The following LTO1 variants were observed in gnomAD, a reference collection of about 807,000 sequenced individuals.
LTO1 encodes the protein protein LTO1 homolog.
In LTO1, 18 loss-of-function variants were observed where a neutral mutation model predicts 19.8. The ratio of observed to expected loss-of-function variants is 0.91; its 90% CI spans 0.63 to 1.35. The LOEUF is 1.35. LTO1 is among the 40% of genes most tolerant of loss of function. The pLI is 0.00. For synonymous variants in LTO1, 59 were observed against 59.6 expected (o/e 0.99, Z 0.05); for missense variants, 175 against 167.9 (o/e 1.04, Z -0.23).
chr11:69,674,502 A>G (rs1321219488), intron 1 of LTO1: 1 of 334,428 alleles, frequency 3.0e-6, no homozygotes, highest in African/African-American at 2.2e-5. Context: ...CTGGAAAGTG[A>G]CTGTGCCTCC....
In LTO1 at chr11:69,665,846, A is replaced by T. The variant is rs1346120650; in HGVS notation, c.*1673T>A. The stretch of plus-strand genomic sequence containing the variant: ...TTTAGAGTTCGGGAGGAGGAGACCT[A>T]AGTCCTGTCTTCAAAAACAAAAAGC... On this transcript the variant is annotated 3_prime_UTR_variant, in exon 5 of 5. Transcript: ENST00000279147. 1 of 152,220 alleles carries T rather than the reference A, an allele frequency of 6.6e-6. No individual in the cohort carries two copies. Among genetic ancestry groups the T allele is most frequent in the Admixed American group, 6.5e-5 (1 of 15,286 alleles). 9.4% of individuals were successfully genotyped at this position (152,220 alleles called of 1,614,324 possible).
In LTO1 at chr11:69,668,954, G is replaced by A. The variant is rs373522729; in HGVS notation, c.228-942C>T. On this transcript the variant is annotated intron_variant, in intron 3 of 4. Transcript: ENST00000279147. Reference sequence around the variant, plus strand: ...GAGACAGGAGAATTGCTGGAACCTGGGAGGTGGAGGTTGCAGTGAGCTAAG... The same window carrying A: ...GAGACAGGAGAATTGCTGGAACCTGAGAGGTGGAGGTTGCAGTGAGCTAAG... 3.3e-5 allele frequency among the ~76,000 whole-genome samples: 5 copies of A among 151,778 alleles called. No homozygotes were observed. In the South Asian group the frequency reaches 1.0e-3, roughly 32 times the overall value.
At chr11:69,673,422 C>A in intron 1 of LTO1, 101 bp from the exon 2 acceptor site, 1 of 769,960 alleles carries the variant, frequency 1.3e-6, no homozygotes, top group Non-Finnish European at 2.2e-6. Context: ...TAAGACAAAC[C>A]AGAGTAAAGG....
chr11:69,668,186 G>A (rs962093079), intron 3 of LTO1, 174 bp from the exon 4 acceptor site: 6 of 593,018 alleles, frequency 1.0e-5, no homozygotes, highest in Non-Finnish European at 1.5e-5. Context: ...ACCTAGCAAC[G>A]AGCTTAGGCC....
intron 1 of LTO1, 136 bp from the exon 2 acceptor site, chr11:69,673,457 GAA>G: frequency 1.6e-6 from 1 of 619,646 alleles, no homozygotes; most frequent in Non-Finnish European, 2.9e-6. Context: ...ATTCAAGTCA[GAA>G]GACACAGATT....
At chr11:69,670,746 C>T (rs900268278) in intron 3 of LTO1, among the ~76,000 whole-genome samples, 4 of 152,308 alleles carry the variant, frequency 2.6e-5, no homozygotes, top group Middle Eastern at 6.8e-3. Context: ...GTCAGAATGA[C>T]GCAGAGCACC....
At chr11:69,673,935 C>A (rs1006493828) in intron 1 of LTO1, among the ~76,000 whole-genome samples, 2 of 152,096 alleles carry the variant, frequency 1.3e-5, no homozygotes, top group African/African-American at 2.4e-5. Flanking sequence ...CGGCTCACTG[C>A]AAGCTCTGCT....
Position 69,668,243 on chromosome 11 carries a change from G to C in LTO1, c.228-231C>G, listed in dbSNP as rs1044561119. 6.5e-6 allele frequency: 3 copies of C among 458,568 alleles called. No individual in the cohort carries two copies. The East Asian group carries it at 1.1e-4, about 17-fold the overall frequency. 28.4% of individuals were successfully genotyped at this position (458,568 alleles called of 1,614,324 possible). Reference sequence around the variant, plus strand: ...AAGTGTGTGCCTAGCTTACAGACACGCCTCCATTCCGACCACGGGGCCAAG... The same window carrying C: ...AAGTGTGTGCCTAGCTTACAGACACCCCTCCATTCCGACCACGGGGCCAAG... On this transcript the variant is annotated intron_variant, in intron 3 of 4. Coordinates refer to ENST00000279147, the MANE Select transcript of LTO1 (RefSeq NM_153451.3).
At chr11:69,670,054 C>T (rs749786873) in intron 3 of LTO1, among the ~76,000 whole-genome samples, 56 of 152,004 alleles carry the variant, frequency 3.7e-4, no homozygotes, top group Non-Finnish European at 7.1e-4. Flanking sequence ...TCTAAACATC[C>T]ATGAACCACT....
Position 69,671,738 on chromosome 11 carries a change from TC to T in LTO1, c.227+10del. On this transcript the variant is annotated intron_variant, in intron 3 of 4. Coordinates refer to ENST00000279147, the MANE Select transcript of LTO1 (RefSeq NM_153451.3). ...TCCTACGCTGAGAAAGAAAGACATC[TC>T]CACCTTTACCTGTCCTTCTCAGTGG... 6.5e-7 allele frequency: 1 copy of T among 1,528,592 alleles called. No individual in the cohort carries two copies. The highest frequency in any genetic ancestry group is 1.1e-5 in the South Asian group (1 of 89,296). 94.7% of individuals were successfully genotyped at this position (1,528,592 alleles called of 1,614,324 possible).
Position 69,667,783 on chromosome 11 carries a change from G to T in LTO1, c.345+112C>A, listed in dbSNP as rs1057157264. 1.2e-5 allele frequency: 9 copies of T among 745,976 alleles called. No homozygotes were observed. In the East Asian group the frequency reaches 2.1e-4, roughly 17 times the overall value. 46.2% of individuals were successfully genotyped at this position (745,976 alleles called of 1,614,324 possible). A position where few individuals can be genotyped will look rare whatever the true frequency, so the allele number is the denominator to read the frequency against. On this transcript the variant is annotated intron_variant, in intron 4 of 4. Coordinates refer to ENST00000279147, the MANE Select transcript of LTO1 (RefSeq NM_153451.3). ...ATGAGGCGCCTCTACGGACAGTTCC[G>T]CGGCGCACGCAGCCCCAGGCCATTG...
At chr11:69,675,142 G>C in intron 1 of LTO1, 48 bp downstream of exon 1, 1 of 1,562,904 alleles carries the variant, frequency 6.4e-7, no homozygotes. Context: ...CGAAGCCGCT[G>C]GGAGACGACC....
rs1856049389 is a variant in LTO1, at chr11:69,667,477, A to G, written c.*42T>C. On this transcript the variant is annotated 3_prime_UTR_variant, in exon 5 of 5. Transcript: ENST00000279147. ...CCGCATTTCTAAACACGTCACACAC[A>G]CATCTGTTCCTCGACGTTCGGTCTC... 1.6e-6 allele frequency: 2 copies of G among 1,280,652 alleles called. No homozygotes were observed. The highest frequency in any genetic ancestry group is 2.3e-5 in the East Asian group (1 of 43,306). 79.3% of individuals were successfully genotyped at this position (1,280,652 alleles called of 1,614,324 possible).
rs371063370 is a variant in LTO1 at position 69,671,446 on chromosome 11, TA to T, written c.227+302del. The T allele has an allele frequency of 9.1e-4, 252 of 275,526 alleles. 3 individuals carry two copies. The South Asian group carries it at 0.018, about 20-fold the overall frequency. The allele number at this position is 275,526 out of a possible 1,614,324, so 17.1% of individuals were successfully genotyped here. On this transcript the variant is annotated intron_variant, in intron 3 of 4. Transcript: ENST00000279147. The stretch of plus-strand genomic sequence containing the variant: ...GAGAAAATACAATCAATGTCAACAT[TA>T]TTTTATTGGTAGGGTATCTAAAAGC...
intron 3 of LTO1, among the ~76,000 whole-genome samples, chr11:69,670,128 G>A (rs984870024): frequency 1.3e-5 from 2 of 152,166 alleles, no homozygotes; most frequent in African/African-American, 2.4e-5. Flanking sequence ...GATGAGGGCG[G>A]CTGCGAGGGG....
chr11:69,668,688 T>A (rs1893768), intron 3 of LTO1, among the ~76,000 whole-genome samples: 2 of 149,582 alleles, frequency 1.3e-5, no homozygotes, highest in South Asian at 2.1e-4. Context: ...TTTTTTTTTT[T>A]AATGGGGAGA....
Position 69,671,787 on chromosome 11 carries a change from C to T in LTO1, c.189G>A (p.Trp63Ter). The stretch of plus-strand genomic sequence containing the variant: ...TGGTGCAACTGTGCAGTAGACATTT[C>T]CATGCAAAAGCAAAACCTTGGTAGC... ...IGCYQGFAFA[W>*]KCLLHSCTTE... The change falls in exon 3 of 5, where the codon TGG (tryptophan) becomes TGA (stop). Residue 63 changes from tryptophan to a stop codon, truncating the protein, a stop_gained. Coordinates refer to ENST00000279147, the MANE Select transcript of LTO1 (RefSeq NM_153451.3). LOFTEE classifies it high-confidence loss of function. The T allele has an allele frequency of 6.2e-7, 1 of 1,606,158 alleles. No homozygotes were observed. The highest frequency in any genetic ancestry group is 8.5e-7 in the Non-Finnish European group (1 of 1,172,778).
Position 69,667,245 on chromosome 11 carries a change from T to A in LTO1, c.*274A>T. 1 of 493,930 alleles carries A rather than the reference T, an allele frequency of 2.0e-6. No individual in the cohort carries two copies. The highest frequency in any genetic ancestry group is 3.6e-6 in the Non-Finnish European group (1 of 279,542). 30.6% of individuals were successfully genotyped at this position (493,930 alleles called of 1,614,324 possible). ...TCCAACCCAGAACCAGCTAGGCCTG[T>A]GCTGCCGGAGAGGCTGTCAAGTCAA... On this transcript the variant is annotated 3_prime_UTR_variant, in exon 5 of 5. Coordinates refer to ENST00000279147, the MANE Select transcript of LTO1 (RefSeq NM_153451.3).
chr11:69,674,263 A>G (rs1856155430), intron 1 of LTO1, among the ~76,000 whole-genome samples: 1 of 152,188 alleles, frequency 6.6e-6, no homozygotes, highest in Non-Finnish European at 1.5e-5. Context: ...CCGCTTCCAA[A>G]AAACTGCAAC....
Sources: allele counts gnomAD v4.1 joint callset (sites outside exome capture counted in the v4.1 genomes callset), GRCh38; gene constraint gnomAD v4.1.1; transcripts MANE v1.5; gene names NCBI Gene and HGNC (gene_info 2026-07-23, HGNC 2026-07-21).